Variants in ALDH1L1 observed in about 807,000 individuals in gnomAD.
ALDH1L1 encodes cytosolic 10-formyltetrahydrofolate dehydrogenase.
A neutral mutation model predicts 101.1 loss-of-function variants in ALDH1L1; 68 were observed. That is an observed-to-expected ratio of 0.67 (90% CI 0.55 to 0.82). ALDH1L1 has a LOEUF of 0.82. ALDH1L1 is among the 40% of genes least tolerant of loss of function. The probability of loss-of-function intolerance (pLI) is 0.00; values close to 1 mark genes in which losing one functional copy is unlikely to be tolerated. For synonymous variants in ALDH1L1, 486 were observed against 470.8 expected (o/e 1.03, Z -0.42); for missense variants, 1,087 against 1,172.7 (o/e 0.93, Z 1.07).
chr3:126,144,174 C>CA (rs2080625355), intron 9 of ALDH1L1, among the ~76,000 whole-genome samples: 1 of 151,946 alleles, frequency 6.6e-6, no homozygotes, highest in Non-Finnish European at 1.5e-5. Flanking sequence ...CAGAGTTGTA[C>CA]AATGAAAACT....
intron 15 of ALDH1L1, 70 bp from the exon 16 acceptor site, chr3:126,124,521 C>T (rs971263899): frequency 3.5e-5 from 44 of 1,272,750 alleles, no homozygotes; most frequent in Admixed American, 3.4e-4. Context: ...CTTCCCTCCC[C>T]GCCTTCCTCT....
At chr3:126,135,181 A>G (rs1244840776) in intron 12 of ALDH1L1, 4 of 206,400 alleles carry the variant, frequency 1.9e-5, no homozygotes, top group African/African-American at 9.5e-5. Flanking sequence ...GCAGGAGCTA[A>G]GTCCCCTCCA....
Position 126,118,052 on chromosome 3 carries a change from T to C in ALDH1L1, c.1935A>G (p.Lys645=), listed in dbSNP as rs2080009634. Residue 645 remains lysine, a synonymous_variant, in exon 17 of 23, where the codon AAA becomes AAG. Transcript: ENST00000393434. ...CCTCTGTGGAGCCTGTGAACCCGAT[T>C]TTCCTCACATCAGGATGGTCTGAGA... ...QRLSDHPDVR[K]IGFTGSTEVG... is the part of the protein sequence containing the mutation. 6.2e-7 allele frequency: 1 copy of C among 1,613,930 alleles called. No individual in the cohort carries two copies. The highest frequency in any genetic ancestry group is 8.5e-7 in the Non-Finnish European group (1 of 1,180,016).
intron 9 of ALDH1L1, among the ~76,000 whole-genome samples, chr3:126,144,158 A>G (rs1002102697): frequency 6.6e-6 from 1 of 152,234 alleles, no homozygotes. Flanking sequence ...TTAACCAAGT[A>G]GCCAACAGAG....
rs756726923 is a variant in ALDH1L1 at position 126,153,525 on chromosome 3, G to A, written c.777C>T (p.Asp259=). The A allele has an allele frequency of 3.3e-5, 54 of 1,614,058 alleles. No individual in the cohort carries two copies. The highest frequency in any genetic ancestry group is 1.6e-4 in the Middle Eastern group (1 of 6,084). The change falls in exon 7 of 23, where the codon GAC becomes GAT. Residue 259 remains aspartate, a synonymous_variant. Coordinates refer to ENST00000393434, the MANE Select transcript of ALDH1L1 (RefSeq NM_012190.4). ...GATGGGCTCCTGGGATGGGCAAAGC[G>A]TCTCCCTCGGGCACCAGGCCTGAAG... The part of the protein sequence containing the change: ...LNTSGLVPEG[D]ALPIPGAHRP...
intron 2 of ALDH1L1, chr3:126,160,414 T>C (rs1374296689): frequency 1.3e-5 from 2 of 157,568 alleles, no homozygotes; most frequent in Admixed American, 6.3e-5. Flanking sequence ...ACCACCTTTG[T>C]GATCATGGTC....
chr3:126,128,451 G>A (rs2080231764), intron 14 of ALDH1L1: 2 of 152,302 alleles, frequency 1.3e-5, no homozygotes, highest in Admixed American at 1.3e-4. Flanking sequence ...GACAGGCTGG[G>A]AGCTTGCCCT....
intron 22 of ALDH1L1, chr3:126,105,454 T>A: frequency 2.1e-6 from 1 of 477,370 alleles, no homozygotes; most frequent in Non-Finnish European, 3.9e-6. Flanking sequence ...GTAGCACAGG[T>A]GCCACCACAC....
chr3:126,154,091 A>C (rs2080859412), intron 6 of ALDH1L1, among the ~76,000 whole-genome samples: 1 of 152,162 alleles, frequency 6.6e-6, no homozygotes, highest in African/African-American at 2.4e-5. Flanking sequence ...AGGTTTGCAC[A>C]AAGTCCACCA....
At position 126,128,070 on chromosome 3, in the gene ALDH1L1, C is replaced by A. The variant is rs1184705653; in HGVS notation, c.1694+2153G>T. Among the ~76,000 whole-genome samples, 9 of 152,196 alleles carry A rather than the reference C, an allele frequency of 5.9e-5. No homozygotes were observed. The East Asian group carries it at 1.7e-3, about 30-fold the overall frequency. On this transcript the variant is annotated intron_variant, in intron 14 of 22. Coordinates refer to ENST00000393434, the MANE Select transcript of ALDH1L1 (RefSeq NM_012190.4). ...GGATCCGTGAGGCCAGCACAGCCAACCACAGTGGACTGGGGAGGGGGCCAG... is the reference window on the plus strand; with the variant it reads ...GGATCCGTGAGGCCAGCACAGCCAAACACAGTGGACTGGGGAGGGGGCCAG...
upstream of ALDH1L1, chr3:126,181,135 T>C: frequency 1.2e-6 from 1 of 807,686 alleles, no homozygotes; most frequent in Non-Finnish European, 2.0e-6. Flanking sequence ...GTTTTCTCTC[T>C]GCAATTCCCC....
intron 12 of ALDH1L1, among the ~76,000 whole-genome samples, chr3:126,133,633 C>T: frequency 6.6e-6 from 1 of 152,226 alleles, no homozygotes; most frequent in South Asian, 2.1e-4. Context: ...ATTGTTAATT[C>T]AGTTAGGCTG....
chr3:126,117,128 C>T (rs1396372109), intron 17 of ALDH1L1, among the ~76,000 whole-genome samples: 1 of 151,174 alleles, frequency 6.6e-6, no homozygotes, highest in Non-Finnish European at 1.5e-5. Context: ...GTCTGTAGTC[C>T]CAGCTACTCA....
intron 10 of ALDH1L1, among the ~76,000 whole-genome samples, 192 bp from the exon 11 acceptor site, chr3:126,137,075 G>A (rs927083047): frequency 5.3e-5 from 8 of 152,200 alleles, no homozygotes; most frequent in Non-Finnish European, 1.5e-5. Flanking sequence ...GGAGCTCTGC[G>A]CTTCCACCTA....
chr3:126,179,425 G>A (rs2081428106), intron 1 of ALDH1L1, among the ~76,000 whole-genome samples: 1 of 152,194 alleles, frequency 6.6e-6, no homozygotes, highest in South Asian at 2.1e-4. Context: ...ACTTGAACCC[G>A]GGAGGCGGAG....
chr3:126,159,255 G>T (rs969464519), intron 2 of ALDH1L1: 2 of 373,352 alleles, frequency 5.4e-6, no homozygotes, highest in African/African-American at 4.3e-5. Context: ...CACCCCAGAG[G>T]ACCAGATACA....
chr3:126,182,539 G>A (rs1397307310), upstream of ALDH1L1, among the ~76,000 whole-genome samples: 1 of 152,170 alleles, frequency 6.6e-6, no homozygotes, highest in African/African-American at 2.4e-5. Flanking sequence ...TATTCTCCTG[G>A]GAAGTCCCCA....
chr3:126,148,917 C>G (rs1304311386), intron 8 of ALDH1L1, among the ~76,000 whole-genome samples: 1 of 152,216 alleles, frequency 6.6e-6, no homozygotes, highest in Non-Finnish European at 1.5e-5. Flanking sequence ...AAAACCTGCA[C>G]CTTTTTATCT....
intron 1 of ALDH1L1, among the ~76,000 whole-genome samples, chr3:126,194,036 G>A (rs991645879): frequency 5.9e-5 from 9 of 152,030 alleles, no homozygotes; most frequent in African/African-American, 1.2e-4. Context: ...AGGATTTTAC[G>A]TGCTTGTGAA....
Sources: allele counts gnomAD v4.1 joint callset (sites outside exome capture counted in the v4.1 genomes callset), GRCh38; gene constraint gnomAD v4.1.1; transcripts MANE v1.5; gene names NCBI Gene and HGNC (gene_info 2026-07-23, HGNC 2026-07-21).